SFT2D2: variants seen among roughly 807,000 people sequenced by gnomAD.
SFT2D2 encodes SFT2 domain containing 2, also known as vesicle transport protein SFT2B.
SFT2D2 carries 21 observed loss-of-function variants against 27.4 expected under a neutral mutation model. The observed-to-expected ratio is 0.77, with a 90% CI of 0.54 to 1.10. SFT2D2 has a LOEUF of 1.10. Ranked by LOEUF, SFT2D2 falls within the 50% of genes least tolerant of loss-of-function variation. SFT2D2 has a pLI of 0.00. For synonymous variants in SFT2D2, 72 were observed against 71.7 expected (o/e 1.00, Z -0.02); for missense variants, 187 against 194.2 (o/e 0.96, Z 0.22).
chr1:168,231,417 T>A, intron 1 of SFT2D2, 97 bp from the exon 2 acceptor site: 1 of 1,007,280 alleles, frequency 9.9e-7, no homozygotes, highest in Non-Finnish European at 1.5e-6. Context: ...CTCCTTGCCT[T>A]CCCTAATACA....
chr1:168,234,387 C>T (rs1243707470), intron 3 of SFT2D2, among the ~76,000 whole-genome samples: 3 of 144,876 alleles, frequency 2.1e-5, no homozygotes, highest in East Asian at 4.0e-4. Flanking sequence ...AGTGAGACTC[C>T]ATGTCAAAAA....
At chr1:168,238,705 A>AAAT (rs1558177520) in intron 6 of SFT2D2, among the ~76,000 whole-genome samples, 1 of 151,946 alleles carries the variant, frequency 6.6e-6, no homozygotes, top group East Asian at 1.9e-4. Flanking sequence ...CTCAAAAAAA[A>AAAT]AAATAAATAA....
At chr1:168,232,839 C>T (rs564529395) in intron 3 of SFT2D2, among the ~76,000 whole-genome samples, 19 of 152,298 alleles carry the variant, frequency 1.2e-4, no homozygotes, top group Non-Finnish European at 2.6e-4. Context: ...GAGGGGCAGC[C>T]GACACGACCT....
In SFT2D2 at chr1:168,231,561, C is replaced by G. The variant is rs774133433; in HGVS notation, c.111C>G (p.Phe37Leu). 3 of 1,613,826 alleles carry G rather than the reference C, an allele frequency of 1.9e-6. No individual in the cohort carries two copies. The Admixed American group carries it at 5.0e-5, about 27-fold the overall frequency. ...GCTGGAGTACCAGGATAAAAGGCTT[C>G]ATTGCGTGTTTTGCTATAGGAATTC... Reference protein sequence around the residue: ...SLSWSTRIKGFIACFAIGILC... With the variant: ...SLSWSTRIKGLIACFAIGILC... The change falls in exon 2 of 8, where the codon TTC becomes TTG. Residue 37 changes from phenylalanine to leucine, a missense_variant. Phe to Leu is a conservative substitution (Grantham distance 22). Coordinates refer to ENST00000271375, the MANE Select transcript of SFT2D2 (RefSeq NM_199344.3).
rs71557622 is a variant in SFT2D2, at chr1:168,239,830, C to CTT, written c.443+685_443+686dup. On this transcript the variant is annotated intron_variant, in intron 7 of 7. Coordinates refer to ENST00000271375, the MANE Select transcript of SFT2D2 (RefSeq NM_199344.3). ...CTAATGCAACTATTTAACTTCTGTT[C>CTT]TTTTTTTTTTTTTTTTATCATTACC... Among the ~76,000 whole-genome samples, 870 of 139,576 alleles carry CTT rather than the reference C, an allele frequency of 6.2e-3. 4 individuals carry two copies. Among genetic ancestry groups the CTT allele is most frequent in the African/African-American group, 0.02 (762 of 38,266 alleles). 91.6% of individuals were successfully genotyped at this position (139,576 alleles called of 152,430 possible).
At position 168,246,632 on chromosome 1, in the gene SFT2D2, G is replaced by GCTCTTGGT; in HGVS notation, c.*4098_*4105dup. The GCTCTTGGT allele has an allele frequency of 7.1e-7, 1 of 1,418,272 alleles. No individual in the cohort carries two copies. Among genetic ancestry groups the GCTCTTGGT allele is most frequent in the South Asian group, 1.1e-5 (1 of 87,752 alleles). The allele number at this position is 1,418,272 out of a possible 1,614,324, so 87.9% of individuals were successfully genotyped here. A position where few individuals can be genotyped will look rare whatever the true frequency, so the allele number is the denominator to read the frequency against. On this transcript the variant is annotated 3_prime_UTR_variant, in exon 8 of 8. Coordinates refer to ENST00000271375, the MANE Select transcript of SFT2D2 (RefSeq NM_199344.3). ...TTATCTACTGTGCCCTGGAAATCAA[G>GCTCTTGGT]CTCTTGGTCTCTTTCTGTTGAGTGA...
Position 168,242,781 on chromosome 1 carries a change from A to G in SFT2D2, c.*241A>G, listed in dbSNP as rs1412027391. On this transcript the variant is annotated 3_prime_UTR_variant, in exon 8 of 8. Transcript: ENST00000271375. ...TATCTTGTGGAGTGGAATCTTCCTC[A>G]TGTACCTGTTTCCTCTCTGGATGTT... 1.9e-6 allele frequency: 1 copy of G among 529,420 alleles called. No individual in the cohort carries two copies. Among genetic ancestry groups the G allele is most frequent in the Non-Finnish European group, 3.4e-6 (1 of 292,350 alleles). 32.8% of individuals were successfully genotyped at this position (529,420 alleles called of 1,614,324 possible). A position where few individuals can be genotyped will look rare whatever the true frequency, so the allele number is the denominator to read the frequency against.
At chr1:168,233,302 G>A (rs1324336213) in intron 3 of SFT2D2, among the ~76,000 whole-genome samples, 1 of 152,174 alleles carries the variant, frequency 6.6e-6, no homozygotes, top group East Asian at 1.9e-4. Context: ...CTTCTATGAA[G>A]CTTTTCCTGA....
chr1:168,230,759 G>A (rs1647246372), intron 1 of SFT2D2, among the ~76,000 whole-genome samples: 1 of 152,176 alleles, frequency 6.6e-6, no homozygotes. Flanking sequence ...ACAGGCATGA[G>A]CCACTGTGCC....
chr1:168,251,485 C>G lies in SFT2D2; in HGVS notation c.*8945C>G, dbSNP rs1169560912. ...TGGAATGAATTGGGAAATTGAAGGG[C>G]AGCCCAGTGGCTATGGATTCTATTT... is the stretch of plus-strand genomic sequence containing the variant. On this transcript the variant is annotated 3_prime_UTR_variant, in exon 8 of 8. Transcript: ENST00000271375. 6.6e-6 allele frequency: 1 copy of G among 152,134 alleles called. No homozygotes were observed. 9.4% of individuals were successfully genotyped at this position (152,134 alleles called of 1,614,324 possible).
Position 168,244,353 on chromosome 1 carries a change from GT to G in SFT2D2, c.*1818del, listed in dbSNP as rs1558179328. ...CCACCACGCCCGTGCTAATTTTTGT[GT>G]TTTTAGTGGAGACAGGGTTTCACCA... On this transcript the variant is annotated 3_prime_UTR_variant, in exon 8 of 8. Coordinates refer to ENST00000271375, the MANE Select transcript of SFT2D2 (RefSeq NM_199344.3). 1 of 151,990 alleles carries G rather than the reference GT, an allele frequency of 6.6e-6. No homozygotes were observed. Among genetic ancestry groups the G allele is most frequent in the African/African-American group, 2.4e-5 (1 of 41,342 alleles). The allele number at this position is 151,990 out of a possible 1,614,324, so 9.4% of individuals were successfully genotyped here.
rs1647969352 is a variant in SFT2D2 at position 168,252,332 on chromosome 1, T to C, written c.*9792T>C. ...CAACTGGTCCCCGATATAAATGGAC[T>C]AGCTACCTGGACATAATATCCTTGT... is the stretch of plus-strand genomic sequence containing the variant. On this transcript the variant is annotated 3_prime_UTR_variant, in exon 8 of 8. Transcript: ENST00000271375. 6.6e-6 allele frequency: 1 copy of C among 152,226 alleles called. No individual in the cohort carries two copies. The highest frequency in any genetic ancestry group is 2.4e-5 in the African/African-American group (1 of 41,468). 9.4% of individuals were successfully genotyped at this position (152,226 alleles called of 1,614,324 possible). A position where few individuals can be genotyped will look rare whatever the true frequency, so the allele number is the denominator to read the frequency against.
Position 168,250,062 on chromosome 1 carries a change from T to A in SFT2D2, c.*7522T>A, listed in dbSNP as rs1647916403. On this transcript the variant is annotated 3_prime_UTR_variant, in exon 8 of 8. Transcript: ENST00000271375. ...AAGAGCCTATCCCAGACCCCACGAG[T>A]GGAGGCGTCAGGGAGGGGTTCTTGG... The A allele has an allele frequency of 6.6e-6, 1 of 152,024 alleles. No homozygotes were observed. Among genetic ancestry groups the A allele is most frequent in the South Asian group, 2.1e-4 (1 of 4,806 alleles). The allele number at this position is 152,024 out of a possible 1,614,324, so 9.4% of individuals were successfully genotyped here. A position where few individuals can be genotyped will look rare whatever the true frequency, so the allele number is the denominator to read the frequency against.
Position 168,239,128 on chromosome 1 carries a change from T to C in SFT2D2, c.414-3T>C. On this transcript the variant is annotated splice_polypyrimidine_tract_variant and splice_region_variant and intron_variant, in intron 6 of 7. Coordinates refer to ENST00000271375, the MANE Select transcript of SFT2D2 (RefSeq NM_199344.3). Reference sequence around the variant, plus strand: ...TGACCCTTTGTTTTGTTTTTCATTATAGGTACAGCCTTTCCTTCATACCAT... The same window carrying C: ...TGACCCTTTGTTTTGTTTTTCATTACAGGTACAGCCTTTCCTTCATACCAT... 4 of 1,605,254 alleles carry C rather than the reference T, an allele frequency of 2.5e-6. No homozygotes were observed. Among genetic ancestry groups the C allele is most frequent in the Non-Finnish European group, 3.4e-6 (4 of 1,172,154 alleles).
intron 4 of SFT2D2, among the ~76,000 whole-genome samples, chr1:168,235,680 A>G (rs1647473893): frequency 6.6e-6 from 1 of 152,016 alleles, no homozygotes; most frequent in Admixed American, 6.6e-5. Flanking sequence ...TCATCCTTGT[A>G]CCCTGCTCTG....
chr1:168,239,346 A>G (rs915886783), intron 7 of SFT2D2, among the ~76,000 whole-genome samples, 186 bp downstream of exon 7: 1 of 152,122 alleles, frequency 6.6e-6, no homozygotes, highest in Non-Finnish European at 1.5e-5. Flanking sequence ...TATACAACTA[A>G]TGATGGATAT....
Position 168,251,891 on chromosome 1 carries a change from T to C in SFT2D2, c.*9351T>C, listed in dbSNP as rs547918490. ...TTTGGAAATTTTTATTTTAAAAGTT[T>C]GTTGGGAGGTAAAATTGTGTGACTT... On this transcript the variant is annotated 3_prime_UTR_variant, in exon 8 of 8. Coordinates refer to ENST00000271375, the MANE Select transcript of SFT2D2 (RefSeq NM_199344.3). 1 of 152,320 alleles carries C rather than the reference T, an allele frequency of 6.6e-6. No individual in the cohort carries two copies. The highest frequency in any genetic ancestry group is 2.4e-5 in the African/African-American group (1 of 41,574). The allele number at this position is 152,320 out of a possible 1,614,324, so 9.4% of individuals were successfully genotyped here.
chr1:168,250,883 T>C lies in SFT2D2; in HGVS notation c.*8343T>C, dbSNP rs1219744289. 1 of 152,252 alleles carries C rather than the reference T, an allele frequency of 6.6e-6. No homozygotes were observed. The highest frequency in any genetic ancestry group is 1.5e-5 in the Non-Finnish European group (1 of 68,066). The allele number at this position is 152,252 out of a possible 1,614,324, so 9.4% of individuals were successfully genotyped here. A position where few individuals can be genotyped will look rare whatever the true frequency, so the allele number is the denominator to read the frequency against. ...ATTTTCACTGGGTTGATTATCTCAG[T>C]GGTGGATCATCTATCACCCTTGTGT... On this transcript the variant is annotated 3_prime_UTR_variant, in exon 8 of 8. Transcript: ENST00000271375.
At position 168,250,970 on chromosome 1, in the gene SFT2D2, C is replaced by T. The variant is rs1159381426; in HGVS notation, c.*8430C>T. The T allele has an allele frequency of 6.6e-6, 1 of 152,208 alleles. No homozygotes were observed. The highest frequency in any genetic ancestry group is 2.4e-5 in the African/African-American group (1 of 41,406). The allele number at this position is 152,208 out of a possible 1,614,324, so 9.4% of individuals were successfully genotyped here. A position where few individuals can be genotyped will look rare whatever the true frequency, so the allele number is the denominator to read the frequency against. On this transcript the variant is annotated 3_prime_UTR_variant, in exon 8 of 8. Transcript: ENST00000271375. ...CCTTCCACCCTAATCACTGCAGGCT[C>T]AGGGAGCAAGAAATAAAATCATGAA... is the stretch of plus-strand genomic sequence containing the variant.
Sources: allele counts gnomAD v4.1 joint callset (sites outside exome capture counted in the v4.1 genomes callset), GRCh38; gene constraint gnomAD v4.1.1; transcripts MANE v1.5; gene names NCBI Gene and HGNC (gene_info 2026-07-23, HGNC 2026-07-21).